The following PTBP3 variants were observed in gnomAD, a reference collection of about 807,000 sequenced individuals.
The protein encoded by PTBP3 is polypyrimidine tract binding protein 3, also known as polypyrimidine tract-binding protein 3.
In PTBP3, 20 loss-of-function variants were observed where a neutral mutation model predicts 58.7. The ratio of observed to expected loss-of-function variants is 0.34; its 90% CI spans 0.24 to 0.50. The LOEUF is 0.50. Ranked by LOEUF, PTBP3 falls within the 20% of genes least tolerant of loss-of-function variation. PTBP3 has a pLI of 0.98. For synonymous variants in PTBP3, 185 were observed against 219.8 expected (o/e 0.84, Z 1.40); for missense variants, 509 against 637.2 (o/e 0.80, Z 2.17).
chr9:112,233,309 G>A (rs1208784505), intron 8 of PTBP3, among the ~76,000 whole-genome samples: 2 of 110,116 alleles, frequency 1.8e-5, no homozygotes, highest in Non-Finnish European at 3.7e-5. Flanking sequence ...GTGTGTGTGT[G>A]TGTGTGTATC....
chr9:112,307,739 T>C (rs1417625763), intron 1 of PTBP3, among the ~76,000 whole-genome samples: 1 of 152,232 alleles, frequency 6.6e-6, no homozygotes, highest in Non-Finnish European at 1.5e-5. Flanking sequence ...ACAAAGGCTT[T>C]TTTGATATTA....
rs185621355 is a variant in PTBP3, at chr9:112,287,596, C to T, written c.34+10236G>A. ...CCTCAGGTGATCCACCCGCCTCGGC[C>T]TCCCAAAGTGCTAGGATTACAGGGG... On this transcript the variant is annotated intron_variant, in intron 2 of 13. Coordinates refer to ENST00000374257, the MANE Select transcript of PTBP3 (RefSeq NM_001163788.4). 3.0e-3 allele frequency among the ~76,000 whole-genome samples: 463 copies of T among 152,196 alleles called. 1 individual carries two copies. The highest frequency in any genetic ancestry group is 4.9e-3 in the Non-Finnish European group (331 of 68,014).
At chr9:112,302,788 C>T (rs1021151847) in intron 1 of PTBP3, among the ~76,000 whole-genome samples, 1 of 151,996 alleles carries the variant, frequency 6.6e-6, no homozygotes, top group African/African-American at 2.4e-5. Flanking sequence ...CAGGGTTTCA[C>T]CCTGTTGGTC....
At chr9:112,255,549 A>G (rs1163178939) in intron 5 of PTBP3, among the ~76,000 whole-genome samples, 3 of 152,140 alleles carry the variant, frequency 2.0e-5, no homozygotes, top group African/African-American at 7.2e-5. Context: ...ACTACAGCCC[A>G]GGTGGCGTTC....
intron 2 of PTBP3, among the ~76,000 whole-genome samples, chr9:112,282,228 C>CT (rs1393605564): frequency 6.6e-6 from 1 of 152,148 alleles, no homozygotes; most frequent in Non-Finnish European, 1.5e-5. Flanking sequence ...CTTTTAATGA[C>CT]TGTAGAATCA....
chr9:112,265,339 C>A (rs957526811), intron 4 of PTBP3, among the ~76,000 whole-genome samples: 4 of 149,990 alleles, frequency 2.7e-5, no homozygotes, highest in Admixed American at 2.0e-4. Flanking sequence ...CCTGTCTCTA[C>A]TAAAAATACA....
At chr9:112,307,809 C>T (rs1289724251) in intron 1 of PTBP3, among the ~76,000 whole-genome samples, 1 of 152,166 alleles carries the variant, frequency 6.6e-6, no homozygotes, top group African/African-American at 2.4e-5. Flanking sequence ...ATGAGGAAAA[C>T]AGAGTTATTA....
chr9:112,230,888 A>G (rs1027956339), intron 10 of PTBP3, among the ~76,000 whole-genome samples: 3 of 152,186 alleles, frequency 2.0e-5, no homozygotes, highest in African/African-American at 7.2e-5. Flanking sequence ...AAATTATTCA[A>G]TGGCTTCCGA....
the PTBP3 span, chr9:112,363,091 G>C: frequency 5.8e-6 from 1 of 172,666 alleles, no homozygotes; most frequent in Non-Finnish European, 1.3e-5. Context: ...CGCAATGCCA[G>C]GCAGCACAGC....
At position 112,223,412 on chromosome 9, in the gene PTBP3, A is replaced by G. The variant is rs928522155; in HGVS notation, c.*439T>C. The G allele has an allele frequency of 8.7e-5, 81 of 930,972 alleles. No homozygotes were observed. In the African/African-American group the frequency reaches 1.2e-3, roughly 13 times the overall value. The allele number at this position is 930,972 out of a possible 1,614,324, so 57.7% of individuals were successfully genotyped here. A position where few individuals can be genotyped will look rare whatever the true frequency, so the allele number is the denominator to read the frequency against. On this transcript the variant is annotated 3_prime_UTR_variant, in exon 14 of 14. Transcript: ENST00000374257. ...GTCAGACTTCTGATTCATAAGGTTA[A>G]TAACTTGGTCATAAGTGATTTAAAT...
At chr9:112,373,035 C>T in the PTBP3 span, among the ~76,000 whole-genome samples, 1 of 18,724 alleles carries the variant, frequency 5.3e-5, no homozygotes. Flanking sequence ...GCTGGGACTA[C>T]AGTGCCCGCC....
chr9:112,257,248 TATG>T (rs1170281407), intron 5 of PTBP3, among the ~76,000 whole-genome samples: 1 of 152,156 alleles, frequency 6.6e-6, no homozygotes, highest in Non-Finnish European at 1.5e-5. Context: ...CAAAAAACGA[TATG>T]ATACTTCTGA....
rs781284960 is a variant in PTBP3 at position 112,275,887 on chromosome 9, A to G, written c.161T>C (p.Phe54Ser). Reference protein sequence around the residue: ...EAEIISLGLPFGKVTNLLMLK... With the variant: ...EAEIISLGLPSGKVTNLLMLK... ...CATCAAAAGATTAGTTACTTTGCCA[A>G]ATGGTAGACCTAATGATATGATCTC... The change falls in exon 3 of 14, where the codon TTT becomes TCT. Residue 54 changes from phenylalanine (F) to serine (S), a missense_variant. Transcript: ENST00000374257. The G allele has an allele frequency of 1.2e-6, 2 of 1,613,830 alleles. No individual in the cohort carries two copies.
chr9:112,374,278 CATT>C, the PTBP3 span, among the ~76,000 whole-genome samples: 4 of 152,308 alleles, frequency 2.6e-5, no homozygotes, highest in African/African-American at 7.2e-5. Context: ...TTAATGGAAT[CATT>C]GTTGTGTCTC....
chr9:112,287,333 AGTTTTTT>A (rs1268050318), intron 2 of PTBP3, among the ~76,000 whole-genome samples: 1 of 50,122 alleles, frequency 2.0e-5, no homozygotes, highest in Non-Finnish European at 3.7e-5. Context: ...CTTCTTTTTC[AGTTTTTT>A]GTTTTTTTTT....
At chr9:112,313,452 A>G (rs1228820778) in intron 1 of PTBP3, among the ~76,000 whole-genome samples, 1 of 152,208 alleles carries the variant, frequency 6.6e-6, no homozygotes, top group Non-Finnish European at 1.5e-5. Context: ...ATGCCTGGAT[A>G]ACTAATTACT....
chr9:112,221,737 C>T lies in PTBP3; in HGVS notation c.*2114G>A. ...TTTGAAAAGTCTTAACTTAGTATCC[C>T]TCCTTTCTATTCTACCAACTAAGTG... On this transcript the variant is annotated 3_prime_UTR_variant, in exon 14 of 14. Coordinates refer to ENST00000374257, the MANE Select transcript of PTBP3 (RefSeq NM_001163788.4). 6 of 985,088 alleles carry T rather than the reference C, an allele frequency of 6.1e-6. No homozygotes were observed. Among genetic ancestry groups the T allele is most frequent in the Non-Finnish European group, 7.2e-6 (6 of 829,666 alleles). The allele number at this position is 985,088 out of a possible 1,614,324, so 61.0% of individuals were successfully genotyped here. A position where few individuals can be genotyped will look rare whatever the true frequency, so the allele number is the denominator to read the frequency against.
intron 5 of PTBP3, among the ~76,000 whole-genome samples, chr9:112,257,184 T>A (rs1198291296): frequency 6.6e-6 from 1 of 152,212 alleles, no homozygotes; most frequent in African/African-American, 2.4e-5. Context: ...CTGAATGGGC[T>A]AACCAGCAAT....
chr9:112,253,591 C>T (rs1234905436), intron 5 of PTBP3, among the ~76,000 whole-genome samples: 5 of 152,128 alleles, frequency 3.3e-5, no homozygotes, highest in Non-Finnish European at 1.5e-5. Flanking sequence ...TATGGTTTGG[C>T]TCTGTGTCAC....
Sources: allele counts gnomAD v4.1 joint callset (sites outside exome capture counted in the v4.1 genomes callset), GRCh38; gene constraint gnomAD v4.1.1; transcripts MANE v1.5; gene names NCBI Gene and HGNC (gene_info 2026-07-23, HGNC 2026-07-21).